Variants in OTUD7A observed in about 807,000 individuals in gnomAD.
OTUD7A encodes the protein OTU deubiquitinase 7A.
In OTUD7A, 12 loss-of-function variants were observed where a neutral mutation model predicts 65.7. That is an observed-to-expected ratio of 0.18 (90% confidence interval 0.12 to 0.30). The LOEUF (loss-of-function observed/expected upper bound fraction) is 0.30. Among genes scored for constraint, OTUD7A ranks in the 10% least tolerant of loss-of-function variants. The pLI is 1.00. For missense variants in OTUD7A, 1,148 were observed against 1,304.8 expected, an observed-to-expected ratio of 0.88 and a Z score of 1.85; for synonymous variants, 641 against 586.3, an observed-to-expected ratio of 1.09 and a Z score of -1.35.
At position 31,628,507 on chromosome 15, in the gene OTUD7A, A is replaced by G. The variant is rs574691691; in HGVS notation, c.151+26589T>C. ...TTTGGTTACTGTAGCCTTGTAGTAT[A>G]GTTTGAAGTCAGGTAGGGTGATGCC... On this transcript the variant is annotated intron_variant, in intron 3 of 12. Coordinates refer to ENST00000307050, the MANE Select transcript of OTUD7A (RefSeq NM_001382637.1). Among the ~76,000 whole-genome samples, 4 of 152,240 alleles carry G rather than the reference A, an allele frequency of 2.6e-5. No homozygotes were observed. In the East Asian group the frequency reaches 5.8e-4, roughly 22 times the overall value.
intron 1 of OTUD7A, among the ~76,000 whole-genome samples, chr15:31,708,301 A>G (rs548153278): frequency 3.9e-5 from 6 of 152,284 alleles, no homozygotes; most frequent in African/African-American, 1.4e-4. Context: ...AAAAAAGATG[A>G]ATCAGCAGAT....
At chr15:31,564,920 A>G (rs1056251455) in intron 4 of OTUD7A, among the ~76,000 whole-genome samples, 5 of 152,194 alleles carry the variant, frequency 3.3e-5, no homozygotes, top group Non-Finnish European at 5.9e-5. Flanking sequence ...ATTTCAAGAT[A>G]AAAACCATTA....
intron 1 of OTUD7A, among the ~76,000 whole-genome samples, chr15:31,686,104 C>G (rs555690833): frequency 2.6e-4 from 40 of 152,352 alleles, no homozygotes; most frequent in Middle Eastern, 3.4e-3. Flanking sequence ...GCTGGTGATG[C>G]TGTTGAACCC....
intron 5 of OTUD7A, among the ~76,000 whole-genome samples, chr15:31,550,321 G>C (rs1467499187): frequency 6.6e-6 from 1 of 152,076 alleles, no homozygotes; most frequent in African/African-American, 2.4e-5. Flanking sequence ...CCTGGGCACT[G>C]TCCTAACTCT....
intron 1 of OTUD7A, among the ~76,000 whole-genome samples, chr15:31,825,378 A>G (rs904854459): frequency 2.6e-5 from 4 of 152,224 alleles, no homozygotes; most frequent in African/African-American, 9.7e-5. Context: ...AGAATAAGAA[A>G]GATGCAAAAG....
chr15:31,743,309 A>G (rs1894390765), intron 1 of OTUD7A, among the ~76,000 whole-genome samples: 1 of 152,210 alleles, frequency 6.6e-6, no homozygotes, highest in Non-Finnish European at 1.5e-5. Flanking sequence ...TGAGATATGT[A>G]AAAAAGTCCC....
intron 1 of OTUD7A, among the ~76,000 whole-genome samples, chr15:31,840,096 T>C (rs1268589150): frequency 6.6e-6 from 1 of 152,062 alleles, no homozygotes; most frequent in East Asian, 1.9e-4. Context: ...CAGGCAGCAG[T>C]TTCTGAAATA....
At chr15:31,792,349 T>A (rs960860568) in intron 1 of OTUD7A, among the ~76,000 whole-genome samples, 2 of 152,104 alleles carry the variant, frequency 1.3e-5, no homozygotes, top group Non-Finnish European at 2.9e-5. Flanking sequence ...AACCTCCCAA[T>A]GACTTCCCAT....
chr15:31,779,177 T>C (rs1895469945), intron 1 of OTUD7A, among the ~76,000 whole-genome samples: 1 of 152,190 alleles, frequency 6.6e-6, no homozygotes, highest in Non-Finnish European at 1.5e-5. Flanking sequence ...CCAGGTGCCC[T>C]ATTTAACCAA....
chr15:31,749,177 C>A (rs1009031364), intron 1 of OTUD7A, among the ~76,000 whole-genome samples: 3 of 151,964 alleles, frequency 2.0e-5, no homozygotes, highest in African/African-American at 7.3e-5. Flanking sequence ...AGGAGATATA[C>A]CTAACGTTAA....
chr15:31,830,770 T>G (rs1468090532), intron 1 of OTUD7A, among the ~76,000 whole-genome samples: 4 of 152,352 alleles, frequency 2.6e-5, no homozygotes, highest in African/African-American at 7.2e-5. Flanking sequence ...GTGCCTGATG[T>G]CATTGTCAGA....
rs530927126 is a variant in OTUD7A at position 31,579,336 on chromosome 15, C to T, written c.152-9139G>A. Among the ~76,000 whole-genome samples, 77 of 152,346 alleles carry T rather than the reference C, an allele frequency of 5.1e-4. 1 individual carries two copies. The South Asian group carries it at 0.015, about 30-fold the overall frequency. On this transcript the variant is annotated intron_variant, in intron 3 of 12. Transcript: ENST00000307050. ...TTCACTTAAAGGAAGCACACTATGG[C>T]TTCTCTTTGTCTTATCCAAATTGCC...
chr15:31,617,051 G>A (rs905629101), intron 3 of OTUD7A, among the ~76,000 whole-genome samples: 13 of 152,010 alleles, frequency 8.6e-5, no homozygotes, highest in Admixed American at 8.5e-4. Flanking sequence ...ACCAAGAAAA[G>A]AACTCACAAA....
At position 31,480,309 on chromosome 15, in the gene OTUD7A, G is replaced by C. The variant is rs2041098332; in HGVS notation, c.*2985C>G. 1 of 152,238 alleles carries C rather than the reference G, an allele frequency of 6.6e-6. No individual in the cohort carries two copies. Among genetic ancestry groups the C allele is most frequent in the Non-Finnish European group, 1.5e-5 (1 of 68,050 alleles). 9.4% of individuals were successfully genotyped at this position (152,238 alleles called of 1,614,324 possible). A position where few individuals can be genotyped will look rare whatever the true frequency, so the allele number is the denominator to read the frequency against. On this transcript the variant is annotated 3_prime_UTR_variant, in exon 13 of 13. Coordinates refer to ENST00000307050, the MANE Select transcript of OTUD7A (RefSeq NM_001382637.1). ...AATCATTTACCCAGATAACAAATGT[G>C]CAGGAAATGTAAAGTAAATTTCTGA... is the stretch of plus-strand genomic sequence containing the variant.
chr15:31,476,126 T>C lies in OTUD7A; in HGVS notation c.*7168A>G, dbSNP rs559593117. 5.3e-4 allele frequency: 80 copies of C among 152,354 alleles called. No individual in the cohort carries two copies. Among genetic ancestry groups the C allele is most frequent in the African/African-American group, 1.9e-3 (79 of 41,580 alleles). 9.4% of individuals were successfully genotyped at this position (152,354 alleles called of 1,614,324 possible). A position where few individuals can be genotyped will look rare whatever the true frequency, so the allele number is the denominator to read the frequency against. On this transcript the variant is annotated 3_prime_UTR_variant, in exon 13 of 13. Transcript: ENST00000307050. The stretch of plus-strand genomic sequence containing the variant: ...CTGTGGACCCAGCTAAGCCTGCTCC[T>C]TGCTCCTAACAGCGCCTTTACTTGT...
At chr15:31,632,719 G>C (rs551720227) in intron 3 of OTUD7A, among the ~76,000 whole-genome samples, 5 of 152,332 alleles carry the variant, frequency 3.3e-5, no homozygotes, top group African/African-American at 1.2e-4. Context: ...CCTGCCCCCA[G>C]AGGTGGAGCC....
chr15:31,624,166 T>C (rs1890883543), intron 3 of OTUD7A, among the ~76,000 whole-genome samples: 1 of 152,268 alleles, frequency 6.6e-6, no homozygotes, highest in South Asian at 2.1e-4. Context: ...ACTGAGCACA[T>C]GGGCATGTAG....
chr15:31,610,618 T>TATATATATATA (rs1555401191), intron 3 of OTUD7A, among the ~76,000 whole-genome samples: 6 of 11,838 alleles, frequency 5.1e-4, no homozygotes, highest in South Asian at 2.8e-3. Context: ...TATATATATA[T>TATATATATATA]TTTTTTTTTT....
intron 9 of OTUD7A, among the ~76,000 whole-genome samples, chr15:31,502,996 C>T (rs7170725): frequency 0.11 from 16,588 of 152,284 alleles, 2,416 homozygotes; most frequent in African/African-American, 0.34. Context: ...TAAATTCAAA[C>T]TGGGCAGCTG....
Sources: gnomAD v4.1 joint callset for allele counts (sites outside exome capture counted in the v4.1 genomes callset) on GRCh38, gnomAD v4.1.1 for gene constraint, MANE v1.5 for transcripts, NCBI Gene and HGNC (gene_info 2026-07-23, HGNC 2026-07-21) for gene names.